Variants in FTCDNL1 observed in about 807,000 individuals in gnomAD.
FTCDNL1 encodes the protein formiminotransferase N-terminal subdomain-containing protein.
Under a neutral mutation model 5.9 loss-of-function variants are expected in FTCDNL1, and 11 were observed. That is an observed-to-expected ratio of 1.87 (90% CI 1.18 to 3.10). The LOEUF (loss-of-function observed/expected upper bound fraction) is 3.10, where lower values mean the gene tolerates loss of function less well. Ranked by LOEUF, FTCDNL1 falls within the 30% of genes most tolerant of loss-of-function variation. The pLI, the probability that FTCDNL1 is intolerant of heterozygous loss-of-function variation, is 0.00. For missense variants in FTCDNL1, 115 were observed against 65.5 expected (o/e 1.76, Z -2.61); for synonymous variants, 58 against 24.8 (o/e 2.34, Z -3.99).
the FTCDNL1 span, among the ~76,000 whole-genome samples, chr2:199,687,484 T>C: frequency 1.3e-5 from 2 of 152,224 alleles, no homozygotes; most frequent in Non-Finnish European, 2.9e-5. Context: ...GCTCTGGCAA[T>C]GAATAAAGCT....
the FTCDNL1 span, among the ~76,000 whole-genome samples, chr2:199,689,836 A>AATTAGAT: frequency 2.0e-5 from 3 of 150,642 alleles, no homozygotes; most frequent in Non-Finnish European, 3.0e-5. Context: ...AAAAGAATAT[A>AATTAGAT]ATTAGATATG....
chr2:199,823,921 C>T (rs1026270772), intron 3 of FTCDNL1, among the ~76,000 whole-genome samples: 1 of 152,206 alleles, frequency 6.6e-6, no homozygotes, highest in Non-Finnish European at 1.5e-5. Flanking sequence ...GCCTCTTCTT[C>T]CAATAGAATG....
At chr2:199,684,200 T>C in the FTCDNL1 span, among the ~76,000 whole-genome samples, 2 of 152,228 alleles carry the variant, frequency 1.3e-5, no homozygotes, top group Non-Finnish European at 2.9e-5. Flanking sequence ...ATAGCAGCAA[T>C]TACTTAATTA....
chr2:199,713,315 T>C, the FTCDNL1 span, among the ~76,000 whole-genome samples: 13 of 149,282 alleles, frequency 8.7e-5, no homozygotes, highest in Non-Finnish European at 1.8e-4. Flanking sequence ...AAATGAAACA[T>C]TTTTTTTTGA....
the FTCDNL1 span, among the ~76,000 whole-genome samples, chr2:199,741,232 C>T: frequency 6.6e-6 from 1 of 152,088 alleles, no homozygotes; most frequent in Non-Finnish European, 1.5e-5. Flanking sequence ...GCTATGATCG[C>T]TCCACTGCAC....
chr2:199,709,913 ATTCATATATTTGT>A, the FTCDNL1 span, among the ~76,000 whole-genome samples: 2 of 146,622 alleles, frequency 1.4e-5, no homozygotes, highest in African/African-American at 5.5e-5. Context: ...AATTTGTCCC[ATTCATATATTTGT>A]TAATCTCTTT....
At chr2:199,671,981 G>T in the FTCDNL1 span, among the ~76,000 whole-genome samples, 1 of 151,978 alleles carries the variant, frequency 6.6e-6, no homozygotes, top group Non-Finnish European at 1.5e-5. Context: ...CATGGGGTGG[G>T]ATCACAGTGT....
At chr2:199,743,063 T>G in the FTCDNL1 span, among the ~76,000 whole-genome samples, 1 of 152,216 alleles carries the variant, frequency 6.6e-6, no homozygotes, top group Non-Finnish European at 1.5e-5. Flanking sequence ...ACTAAGCTCC[T>G]GCTGTTTTAT....
chr2:199,673,314 C>G, the FTCDNL1 span, among the ~76,000 whole-genome samples: 1 of 97,062 alleles, frequency 1.0e-5, no homozygotes, highest in Non-Finnish European at 1.9e-5. Context: ...GTTGATAGAG[C>G]AAGACTCTGT....
intron 4 of FTCDNL1, among the ~76,000 whole-genome samples, chr2:199,813,855 G>A (rs1340609560): frequency 6.8e-6 from 1 of 146,970 alleles, no homozygotes; most frequent in Non-Finnish European, 1.5e-5. Flanking sequence ...AGGTTGCAGT[G>A]AGCAGAGATC....
the FTCDNL1 span, among the ~76,000 whole-genome samples, chr2:199,712,500 A>G: frequency 2.6e-5 from 4 of 152,230 alleles, no homozygotes; most frequent in Non-Finnish European, 5.9e-5. Flanking sequence ...CTAGCAAACT[A>G]TAAGAATCAT....
chr2:199,815,425 G>A (rs542020932), intron 4 of FTCDNL1, among the ~76,000 whole-genome samples: 1 of 152,226 alleles, frequency 6.6e-6, no homozygotes, highest in South Asian at 2.1e-4. Flanking sequence ...CTGTACAGTT[G>A]ATAGCGCCAA....
chr2:199,799,850 C>T (rs924026978), intron 3 of FTCDNL1, among the ~76,000 whole-genome samples: 46 of 152,144 alleles, frequency 3.0e-4, no homozygotes, highest in African/African-American at 1.1e-3. Context: ...CTTTGCTGAG[C>T]AGAAGGAAAG....
chr2:199,665,955 G>A, the FTCDNL1 span, among the ~76,000 whole-genome samples: 1 of 152,066 alleles, frequency 6.6e-6, no homozygotes, highest in Non-Finnish European at 1.5e-5. Context: ...GATGGGAAAG[G>A]GCATATAGTA....
chr2:199,693,840 T>C, the FTCDNL1 span, among the ~76,000 whole-genome samples: 1 of 152,246 alleles, frequency 6.6e-6, no homozygotes, highest in South Asian at 2.1e-4. Context: ...CATATTTGTA[T>C]GGCTGTGAAC....
the FTCDNL1 span, among the ~76,000 whole-genome samples, chr2:199,739,998 G>GCC: frequency 6.6e-6 from 1 of 152,112 alleles, no homozygotes; most frequent in Non-Finnish European, 1.5e-5. Flanking sequence ...GATGAACACT[G>GCC]CCCCCTGCTG....
At chr2:199,731,016 A>G in the FTCDNL1 span, among the ~76,000 whole-genome samples, 1 of 152,244 alleles carries the variant, frequency 6.6e-6, no homozygotes, top group Admixed American at 6.5e-5. Context: ...TGCAGCCATA[A>G]CAAAGAATGA....
chr2:199,671,407 A>C, the FTCDNL1 span, among the ~76,000 whole-genome samples: 1 of 152,018 alleles, frequency 6.6e-6, no homozygotes, highest in African/African-American at 2.4e-5. Flanking sequence ...GGAGAAGGGC[A>C]TTCCAGGCAG....
the FTCDNL1 span, among the ~76,000 whole-genome samples, chr2:199,717,735 T>C: frequency 2.6e-5 from 4 of 151,836 alleles, no homozygotes; most frequent in African/African-American, 9.7e-5. Flanking sequence ...GGGCAAGGCT[T>C]GACTTAGTGC....
Sources: gnomAD v4.1 joint callset for allele counts (sites outside exome capture counted in the v4.1 genomes callset) on GRCh38, gnomAD v4.1.1 for gene constraint, MANE v1.5 for transcripts, NCBI Gene and HGNC (gene_info 2026-07-23, HGNC 2026-07-21) for gene names.